HDAC9: variants seen among roughly 807,000 people sequenced by gnomAD.
The protein encoded by HDAC9 is MEF-2 interacting transcription repressor (MITR) protein.
HDAC9 carries 41 observed loss-of-function variants against 139.4 expected under a neutral mutation model. The ratio of observed to expected loss-of-function variants is 0.29; its 90% CI spans 0.23 to 0.38. The LOEUF (loss-of-function observed/expected upper bound fraction) is 0.38, where lower values mean the gene tolerates loss of function less well. HDAC9 is among the 10% of genes least tolerant of loss of function. The pLI is 1.00. For missense variants in HDAC9, 1,147 were observed against 1,297.0 expected (o/e 0.88, Z 1.78); for synonymous variants, 517 against 476.2 (o/e 1.09, Z -1.12).
chr7:18,795,026 G>C (rs1399624605), intron 17 of HDAC9, among the ~76,000 whole-genome samples: 1 of 151,986 alleles, frequency 6.6e-6, no homozygotes, highest in Admixed American at 6.6e-5. Flanking sequence ...GTGCAGAATT[G>C]CCAAATATAT....
chr7:18,361,723 A>G (rs1585373226), intron 1 of HDAC9, among the ~76,000 whole-genome samples: 1 of 152,190 alleles, frequency 6.6e-6, no homozygotes, highest in Non-Finnish European at 1.5e-5. Flanking sequence ...ACTTTAATTC[A>G]TAGAGCAATG....
intron 25 of HDAC9, among the ~76,000 whole-genome samples, chr7:18,979,346 T>C (rs996091968): frequency 2.0e-5 from 3 of 152,176 alleles, no homozygotes; most frequent in African/African-American, 7.2e-5. Context: ...TTATTAAATA[T>C]ACATTCATAT....
In HDAC9 at chr7:18,443,746, G is replaced by A. The variant is rs78131747; in HGVS notation, c.-41-52516G>A. Among the ~76,000 whole-genome samples, 951 of 151,674 alleles carry A rather than the reference G, an allele frequency of 6.3e-3. 12 individuals are homozygous for A. Among genetic ancestry groups the A allele is most frequent in the African/African-American group, 0.022 (894 of 41,366 alleles). ...TATGTGTTGGATGACAGTAGAACCCGTTTTAATTTGTACACACACAAACAT... is the reference window on the plus strand; with the variant it reads ...TATGTGTTGGATGACAGTAGAACCCATTTTAATTTGTACACACACAAACAT... On this transcript the variant is annotated intron_variant, in intron 1 of 3. Coordinates refer to the HDAC9 transcript ENST00000413509.
chr7:18,789,495 T>C (rs1792121433), intron 16 of HDAC9, among the ~76,000 whole-genome samples: 1 of 152,190 alleles, frequency 6.6e-6, no homozygotes, highest in African/African-American at 2.4e-5. Flanking sequence ...AAGACCTTAG[T>C]AGTAGGCCAC....
chr7:18,485,445 A>G (rs985224435), intron 1 of HDAC9, among the ~76,000 whole-genome samples: 6 of 149,698 alleles, frequency 4.0e-5, no homozygotes, highest in Non-Finnish European at 7.4e-5. Flanking sequence ...TATTTAATTT[A>G]TATATATTTA....
At chr7:18,455,485 T>C (rs1009889004) in intron 1 of HDAC9, among the ~76,000 whole-genome samples, 8 of 152,232 alleles carry the variant, frequency 5.3e-5, no homozygotes, top group Admixed American at 4.6e-4. Context: ...TTTATCTTTT[T>C]TTCCAAACTG....
intron 1 of HDAC9, among the ~76,000 whole-genome samples, chr7:18,341,124 C>A (rs1424194482): frequency 6.6e-6 from 1 of 151,264 alleles, no homozygotes; most frequent in Non-Finnish European, 1.5e-5. Context: ...GTGTTTTCCC[C>A]CCTGACTACT....
chr7:18,934,197 C>CA (rs779781255), intron 22 of HDAC9, among the ~76,000 whole-genome samples: 3 of 151,762 alleles, frequency 2.0e-5, no homozygotes, highest in Non-Finnish European at 4.4e-5. Flanking sequence ...TTTAAAAATT[C>CA]AATCAATACT....
intron 22 of HDAC9, among the ~76,000 whole-genome samples, chr7:18,890,463 C>T (rs1800581370): frequency 6.6e-6 from 1 of 152,190 alleles, no homozygotes; most frequent in African/African-American, 2.4e-5. Flanking sequence ...CTCTCCCAGA[C>T]ATCTATGTAA....
At chr7:18,668,152 T>G in intron 12 of HDAC9, 1 of 859,344 alleles carries the variant, frequency 1.2e-6, no homozygotes, top group Non-Finnish European at 1.4e-6. Flanking sequence ...ACATTATCCT[T>G]TTTTAAAAAG....
At chr7:18,459,796 TTTC>T (rs1793673848) in intron 1 of HDAC9, among the ~76,000 whole-genome samples, 1 of 152,176 alleles carries the variant, frequency 6.6e-6, no homozygotes, top group South Asian at 2.1e-4. Flanking sequence ...TCTTACAGCT[TTTC>T]TTCCTGTCCT....
chr7:18,249,302 A>T (rs2128196286), intron 2 of HDAC9, among the ~76,000 whole-genome samples: 1 of 152,160 alleles, frequency 6.6e-6, no homozygotes, highest in Non-Finnish European at 1.5e-5. Context: ...CAGGAATTTA[A>T]GACCAGCCTG....
At chr7:18,847,589 C>T (rs1796996946) in intron 21 of HDAC9, among the ~76,000 whole-genome samples, 1 of 152,164 alleles carries the variant, frequency 6.6e-6, no homozygotes, top group East Asian at 1.9e-4. Flanking sequence ...CCTCAGGAGA[C>T]TCTACAAAAT....
chr7:18,922,723 A>G (rs1403836585), intron 22 of HDAC9, among the ~76,000 whole-genome samples: 1 of 152,148 alleles, frequency 6.6e-6, no homozygotes, highest in Non-Finnish European at 1.5e-5. Context: ...ATTATGCAGT[A>G]GGCTATAGAA....
chr7:18,853,870 A>G (rs1265706499), intron 21 of HDAC9, among the ~76,000 whole-genome samples: 1 of 152,158 alleles, frequency 6.6e-6, no homozygotes, highest in African/African-American at 2.4e-5. Context: ...GAAGTTACCT[A>G]TCTGATGACA....
intron 16 of HDAC9, among the ~76,000 whole-genome samples, chr7:18,773,663 C>T (rs911081891): frequency 2.6e-5 from 4 of 151,810 alleles, no homozygotes; most frequent in African/African-American, 9.7e-5. Flanking sequence ...GCCAAGGAGA[C>T]GTTAGGCTTA....
At chr7:18,985,089 ATACTTT>A (rs1785228755) in intron 25 of HDAC9, among the ~76,000 whole-genome samples, 1 of 151,900 alleles carries the variant, frequency 6.6e-6, no homozygotes, top group Non-Finnish European at 1.5e-5. Context: ...TATTATTATT[ATACTTT>A]AAGTTTTAGG....
chr7:18,195,206 T>G (rs1325472564), intron 2 of HDAC9, among the ~76,000 whole-genome samples: 3 of 152,182 alleles, frequency 2.0e-5, no homozygotes, highest in Non-Finnish European at 2.9e-5. Context: ...ACAGATTCTG[T>G]GGAACCTCAA....
chr7:18,509,864 A>G (rs1319143129), intron 2 of HDAC9, among the ~76,000 whole-genome samples: 1 of 151,952 alleles, frequency 6.6e-6, no homozygotes. Context: ...CATCCCCCCA[A>G]TTAGTTATAT....
Sources: gnomAD v4.1 joint callset for allele counts (sites outside exome capture counted in the v4.1 genomes callset) on GRCh38, gnomAD v4.1.1 for gene constraint, MANE v1.5 for transcripts, NCBI Gene and HGNC (gene_info 2026-07-23, HGNC 2026-07-21) for gene names.